The following FMN1 variants were observed in gnomAD, a reference collection of about 807,000 sequenced individuals.
FMN1 encodes the protein formin-1.
In FMN1, 110 loss-of-function variants were observed where a neutral mutation model predicts 132.4. The observed-to-expected ratio is 0.83, with a 90% CI of 0.71 to 0.97. The LOEUF is 0.97. FMN1 is among the 50% of genes least tolerant of loss of function. FMN1 has a pLI of 0.00. For missense variants in FMN1, 1,792 were observed against 1,705.3 expected, an observed-to-expected ratio of 1.05 and a Z score of -0.90; for synonymous variants, 722 against 651.7, an observed-to-expected ratio of 1.11 and a Z score of -1.64.
intron 5 of FMN1, among the ~76,000 whole-genome samples, chr15:33,077,007 GGTAA>G (rs1363955326): frequency 2.0e-5 from 3 of 152,180 alleles, no homozygotes; most frequent in Non-Finnish European, 2.9e-5. Context: ...CAAAGGAGAA[GGTAA>G]GTCAGGCATT....
At chr15:32,984,623 T>A (rs1469730373) in intron 7 of FMN1, among the ~76,000 whole-genome samples, 1 of 152,184 alleles carries the variant, frequency 6.6e-6, no homozygotes, top group African/African-American at 2.4e-5. Flanking sequence ...TTTGGGATTA[T>A]AGTACATTAT....
At chr15:33,186,691 T>C (rs1965899472) in intron 2 of FMN1, among the ~76,000 whole-genome samples, 1 of 152,222 alleles carries the variant, frequency 6.6e-6, no homozygotes, top group Non-Finnish European at 1.5e-5. Flanking sequence ...AAGTTTCTCT[T>C]GGTTGCGAGC....
chr15:33,157,765 G>A (rs1381964450), intron 3 of FMN1, among the ~76,000 whole-genome samples: 5 of 152,126 alleles, frequency 3.3e-5, no homozygotes, highest in Non-Finnish European at 5.9e-5. Context: ...GCCAAGGCGG[G>A]AGGTTGCTTG....
chr15:33,110,247 A>C (rs189521845), intron 4 of FMN1, among the ~76,000 whole-genome samples: 6 of 152,226 alleles, frequency 3.9e-5, no homozygotes, highest in Admixed American at 6.6e-5. Context: ...AGAATTAGGT[A>C]AATAATACAT....
chr15:32,828,425 G>A lies in FMN1; in HGVS notation c.3929-24093C>T, dbSNP rs375659550. On this transcript the variant is annotated intron_variant, in intron 17 of 20. Transcript: ENST00000616417. ...ATTTGGTAAATTTTGATTACTCCAA[G>A]TCGTACAAAGGGAAATTCCATTTTC... 5.3e-5 allele frequency among the ~76,000 whole-genome samples: 8 copies of A among 152,122 alleles called. No homozygotes were observed. The East Asian group carries it at 1.4e-3, about 26-fold the overall frequency.
At chr15:32,960,078 A>C (rs1015972994) in intron 9 of FMN1, among the ~76,000 whole-genome samples, 1 of 152,228 alleles carries the variant, frequency 6.6e-6, no homozygotes, top group African/African-American at 2.4e-5. Context: ...GCCTGGCTAC[A>C]AAGCAGGCTT....
At chr15:32,806,654 C>T (rs1283159865) in intron 17 of FMN1, among the ~76,000 whole-genome samples, 2 of 152,218 alleles carry the variant, frequency 1.3e-5, no homozygotes, top group African/African-American at 4.8e-5. Context: ...CTTTCCCACA[C>T]CCCTTCCTTT....
At chr15:33,152,924 G>T in intron 4 of FMN1, 124 bp downstream of exon 4, 1 of 961,970 alleles carries the variant, frequency 1.0e-6, no homozygotes, top group Non-Finnish European at 1.5e-6. Context: ...TTGCTACAAA[G>T]TGAAGTAATA....
At chr15:33,170,383 CACAGGCA>C (rs1468406531) in intron 3 of FMN1, among the ~76,000 whole-genome samples, 47 of 151,946 alleles carry the variant, frequency 3.1e-4, no homozygotes, top group Admixed American at 3.1e-3. Context: ...ACCTCAAAAG[CACAGGCA>C]ACAAAACCAA....
intron 17 of FMN1, among the ~76,000 whole-genome samples, chr15:32,847,850 A>G (rs1295585021): frequency 1.3e-5 from 2 of 152,124 alleles, no homozygotes; most frequent in Admixed American, 6.6e-5. Context: ...GCGAGACTCC[A>G]TCTCAAAAAA....
At chr15:32,848,247 A>C (rs1392202275) in intron 17 of FMN1, among the ~76,000 whole-genome samples, 2 of 152,190 alleles carry the variant, frequency 1.3e-5, no homozygotes, top group Admixed American at 1.3e-4. Flanking sequence ...CTGAAACTGA[A>C]GTGATGATGG....
chr15:32,966,285 A>T (rs2031217034), intron 8 of FMN1, among the ~76,000 whole-genome samples: 1 of 152,126 alleles, frequency 6.6e-6, no homozygotes, highest in Non-Finnish European at 1.5e-5. Flanking sequence ...TAAGCACCTG[A>T]TCACCATTTA....
In FMN1 at chr15:33,193,192, T is replaced by C. The variant is rs562324582; in HGVS notation, c.-197+717A>G. 1.0e-3 allele frequency among the ~76,000 whole-genome samples: 153 copies of C among 152,234 alleles called. 1 individual carries two copies. Among genetic ancestry groups the C allele is most frequent in the Middle Eastern group, 6.8e-3 (2 of 292 alleles). ...CTGATCAAGAAGACCCGAGACCTCA[T>C]TGATTCATTGTGGAAGCAACATCTT... On this transcript the variant is annotated intron_variant, in intron 2 of 20. Coordinates refer to ENST00000616417, the MANE Select transcript of FMN1 (RefSeq NM_001277313.2).
At chr15:33,116,186 G>C (rs75833178) in intron 4 of FMN1, among the ~76,000 whole-genome samples, 2,785 of 152,258 alleles carry the variant, frequency 0.018, 81 homozygotes, top group African/African-American at 0.064. Flanking sequence ...ACAGAAAAAA[G>C]ATGTAAACGT....
At chr15:33,008,581 C>T (rs114827021) in intron 6 of FMN1, among the ~76,000 whole-genome samples, 26 of 152,242 alleles carry the variant, frequency 1.7e-4, no homozygotes, top group African/African-American at 5.5e-4. Context: ...CTCAGAAAGT[C>T]AATACTATTT....
chr15:32,907,377 A>T (rs1164555745), intron 12 of FMN1, among the ~76,000 whole-genome samples: 1 of 152,078 alleles, frequency 6.6e-6, no homozygotes, highest in Non-Finnish European at 1.5e-5. Context: ...GATCGCTCAC[A>T]TGCGCAGTTC....
At chr15:32,794,725 T>C (rs1031181978) in intron 19 of FMN1, among the ~76,000 whole-genome samples, 1 of 152,202 alleles carries the variant, frequency 6.6e-6, no homozygotes. Context: ...CATTGAATGT[T>C]TGGATATCAT....
At chr15:32,867,286 C>T (rs1197239149) in intron 16 of FMN1, among the ~76,000 whole-genome samples, 2 of 152,208 alleles carry the variant, frequency 1.3e-5, no homozygotes, top group East Asian at 3.9e-4. Context: ...GTCTTCAATC[C>T]CTCAAGCTGG....
In FMN1 at chr15:32,910,508, A is replaced by G. The variant is rs2060532289; in HGVS notation, c.3254T>C (p.Val1085Ala). The change falls in exon 11 of 21, where the codon GTT (valine) becomes GCT (alanine). Residue 1085 changes from valine (V) to alanine (A), a missense_variant. Around this residue, in one of 3 missense-constraint regions of FMN1, gnomAD observed 1,150 missense variants for 1,043.1 expected, o/e 1.10. Transcript: ENST00000616417. ...QAIFNVDDSVVDLETLAALYE... is the reference protein window; with the variant it reads ...QAIFNVDDSVADLETLAALYE... The stretch of plus-strand genomic sequence containing the variant: ...TAAGGCTGCCAGGGTCTCCAGATCA[A>G]CCACGGAGTCATCCACATTGAAAAT... 4 of 1,579,228 alleles carry G rather than the reference A, an allele frequency of 2.5e-6. No individual in the cohort carries two copies. In the East Asian group the frequency reaches 9.3e-5, roughly 37 times the overall value.
Sources: gnomAD v4.1 joint callset for allele counts (sites outside exome capture counted in the v4.1 genomes callset) on GRCh38, gnomAD v4.1.1 for gene constraint, gnomAD v4.1.1 regional missense constraint, MANE v1.5 for transcripts, NCBI Gene and HGNC (gene_info 2026-07-23, HGNC 2026-07-21) for gene names.